Variants in HERC1 observed in about 807,000 individuals in gnomAD.
HERC1 encodes probable E3 ubiquitin-protein ligase HERC1.
In HERC1, 160 loss-of-function variants were observed where a neutral mutation model predicts 554.3. The observed-to-expected ratio is 0.29, with a 90% CI of 0.25 to 0.33. The LOEUF (loss-of-function observed/expected upper bound fraction) is 0.33. Among genes scored for constraint, HERC1 ranks in the 10% least tolerant of loss-of-function variants. The pLI is 1.00. For synonymous variants in HERC1, 2,175 were observed against 2,131.7 expected (o/e 1.02, Z -0.56); for missense variants, 4,919 against 5,918.5 (o/e 0.83, Z 5.54).
At chr15:63,778,828 C>T (rs191423562) in intron 1 of HERC1, among the ~76,000 whole-genome samples, 1 of 151,990 alleles carries the variant, frequency 6.6e-6, no homozygotes, top group African/African-American at 2.4e-5. Context: ...GACGACAAAG[C>T]AAAGTGTAAG....
At chr15:63,662,293 C>A (rs987961282) in intron 44 of HERC1, among the ~76,000 whole-genome samples, 4 of 151,980 alleles carry the variant, frequency 2.6e-5, no homozygotes. Context: ...GACAATCTGT[C>A]CTATCTCAAA....
intron 1 of HERC1, among the ~76,000 whole-genome samples, chr15:63,800,468 G>A (rs975919347): frequency 6.6e-6 from 1 of 152,140 alleles, no homozygotes; most frequent in Non-Finnish European, 1.5e-5. Context: ...CTTTCACCCA[G>A]TTAATGTTTA....
At chr15:63,747,899 T>C in intron 10 of HERC1, 41 bp from the exon 11 acceptor site, 1 of 1,509,298 alleles carries the variant, frequency 6.6e-7, no homozygotes, top group South Asian at 1.3e-5. Flanking sequence ...AGTCTTAAAA[T>C]GAAATTTTTA....
At chr15:63,725,579 T>C in intron 17 of HERC1, 66 bp from the exon 18 acceptor site, 2 of 1,305,806 alleles carry the variant, frequency 1.5e-6, no homozygotes, top group Non-Finnish European at 2.2e-6. Flanking sequence ...ATATTTCTCA[T>C]AGTCTCCTAC....
At position 63,704,098 on chromosome 15, in the gene HERC1, T is replaced by C. The variant is rs1051682718; in HGVS notation, c.4636+2682A>G. Among the ~76,000 whole-genome samples the C allele has an allele frequency of 2.6e-5, 4 of 151,906 alleles. No homozygotes were observed. In the South Asian group the frequency reaches 8.3e-4, roughly 31 times the overall value. ...ATGGCTTAAGGCATCTGGTCTATAC[T>C]GACAAAAAAGGAAAAAAAATACAGT... On this transcript the variant is annotated intron_variant, in intron 25 of 77. Transcript: ENST00000443617.
Position 63,654,204 on chromosome 15 carries a change from T to C in HERC1, c.10205A>G (p.Asn3402Ser). The change falls in exon 51 of 78, where the codon AAC becomes AGC. Residue 3402 changes from asparagine (N) to serine (S), a missense_variant. Transcript: ENST00000443617. ...AGCAAGTGTCTGCAGAGTAGTTTGG[T>C]TGTCACGGTCGTGTGCAGCAAGAGT... ...VRTLAAHDRDNQTTLQTLADM... is the reference protein window; with the variant it reads ...VRTLAAHDRDSQTTLQTLADM... The C allele has an allele frequency of 6.2e-7, 1 of 1,614,050 alleles. No individual in the cohort carries two copies. The highest frequency in any genetic ancestry group is 8.5e-7 in the Non-Finnish European group (1 of 1,179,890).
At chr15:63,737,326 G>A (rs2074551549) in intron 12 of HERC1, among the ~76,000 whole-genome samples, 1 of 144,320 alleles carries the variant, frequency 6.9e-6, no homozygotes. Flanking sequence ...AAACAATGAA[G>A]AAGAAATCAA....
At chr15:63,732,141 T>C (rs950153036) in intron 14 of HERC1, among the ~76,000 whole-genome samples, 2 of 151,904 alleles carry the variant, frequency 1.3e-5, no homozygotes, top group Admixed American at 1.3e-4. Context: ...GCTGGGACTA[T>C]AGATGCCAGC....
rs369327928 is a variant in HERC1, at chr15:63,652,425, C to A, written c.10407G>T (p.Val3469=). ...KKQYSLQQTC[V]FNRLEGDAEE... ...ATGTTAGCACTCACAATCTGTTGAA[C>A]ACACAGGTCTGTTGCAGTGAATATT... The change falls in exon 52 of 78, where the codon GTG becomes GTT. Residue 3469 remains valine (V), a synonymous_variant. Transcript: ENST00000443617. 6.2e-7 allele frequency: 1 copy of A among 1,612,638 alleles called. No individual in the cohort carries two copies. The highest frequency in any genetic ancestry group is 1.1e-5 in the South Asian group (1 of 90,842).
At chr15:63,798,648 G>T (rs2076885148) in intron 1 of HERC1, among the ~76,000 whole-genome samples, 1 of 151,774 alleles carries the variant, frequency 6.6e-6, no homozygotes, top group Admixed American at 6.6e-5. Context: ...CAATTATTTA[G>T]GATTGTCACT....
intron 45 of HERC1, 68 bp from the exon 46 acceptor site, chr15:63,661,093 T>G (rs1349818767): frequency 1.8e-6 from 2 of 1,115,460 alleles, no homozygotes; most frequent in Non-Finnish European, 2.7e-6. Context: ...GCAAATTAAG[T>G]CATTAGAACA....
chr15:63,812,451 T>G (rs2077360056), intron 1 of HERC1, among the ~76,000 whole-genome samples: 1 of 152,208 alleles, frequency 6.6e-6, no homozygotes, highest in South Asian at 2.1e-4. Flanking sequence ...AATACATCTA[T>G]TGCCTTGAGA....
chr15:63,737,508 T>A (rs1376552516), intron 12 of HERC1, among the ~76,000 whole-genome samples: 3 of 66,160 alleles, frequency 4.5e-5, no homozygotes, highest in Non-Finnish European at 6.8e-5. Context: ...ATATATATCT[T>A]TTTTCCAGAT....
Position 63,630,518 on chromosome 15 carries a change from G to A in HERC1, c.12914C>T (p.Ala4305Val), listed in dbSNP as rs1351646628. The change falls in exon 69 of 78, where the codon GCT becomes GTT. Residue 4305 changes from alanine to valine, a missense_variant. Transcript: ENST00000443617. ...ATACACATCTCCATTTGATGCCAAA[G>A]CAAGTGTGTGTTCAGCTCCAACTGC... ...DVAVGAEHTLALASNGDVYAW... is the reference protein window; with the variant it reads ...DVAVGAEHTLVLASNGDVYAW... The A allele has an allele frequency of 6.2e-7, 1 of 1,613,968 alleles. No individual in the cohort carries two copies. The highest frequency in any genetic ancestry group is 1.1e-5 in the South Asian group (1 of 91,080).
chr15:63,713,613 T>G lies in HERC1; in HGVS notation c.4203A>C (p.Arg1401=). Reference sequence around the variant, plus strand: ...ACCCTGCCCCACTGTTCATTCTATCTCGGTCTCGGCTACGAGCTACTTCAC... The same window carrying G: ...ACCCTGCCCCACTGTTCATTCTATCGCGGTCTCGGCTACGAGCTACTTCAC... The part of the protein sequence containing the change: ...SAREVARSRD[R]DRMNSGAGSG... Residue 1401 remains arginine, a synonymous_variant, in exon 23 of 78, where the codon CGA becomes CGC. Coordinates refer to ENST00000443617, the MANE Select transcript of HERC1 (RefSeq NM_003922.4). 1.2e-6 allele frequency: 2 copies of G among 1,613,322 alleles called. No individual in the cohort carries two copies. The highest frequency in any genetic ancestry group is 1.7e-6 in the Non-Finnish European group (2 of 1,179,646).
intron 68 of HERC1, among the ~76,000 whole-genome samples, chr15:63,632,008 T>A (rs1361372269): frequency 3.3e-5 from 5 of 152,214 alleles, no homozygotes; most frequent in African/African-American, 1.2e-4. Context: ...TACATCTTCA[T>A]AATCAATCCT....
rs1164454711 is a variant in HERC1 at position 63,775,371 on chromosome 15, T to C, written c.253A>G (p.Ser85Gly). ...ACCATCTTTGCCAATGCTAGCTGGC[T>C]GCTAAGAAGGGCATCCAAATAGTGG... is the stretch of plus-strand genomic sequence containing the variant. ...QDHYLDALLSSQLALAKMVCS... is the reference protein window; with the variant it reads ...QDHYLDALLSGQLALAKMVCS... The change falls in exon 2 of 78, where the codon AGC (serine) becomes GGC (glycine). Residue 85 changes from serine to glycine, a missense_variant. Transcript: ENST00000443617. This position sits in a 1 kb window ranked among gnomAD's most constrained non-coding sequence, Gnocchi z 4.0. The C allele has an allele frequency of 6.2e-7, 1 of 1,613,950 alleles. No homozygotes were observed. Among genetic ancestry groups the C allele is most frequent in the Admixed American group, 1.7e-5 (1 of 60,016 alleles).
rs1157469484 is a variant in HERC1, at chr15:63,624,345, G to A, written c.13276-18C>T. Reference sequence around the variant, plus strand: ...GTGCTGTTCTGTAACAGAAGGTACGGTTATCAGAAATGGTACAATCTAGGC... The same window carrying A: ...GTGCTGTTCTGTAACAGAAGGTACGATTATCAGAAATGGTACAATCTAGGC... On this transcript the variant is annotated intron_variant, in intron 71 of 77. Transcript: ENST00000443617. 1 of 1,566,728 alleles carries A rather than the reference G, an allele frequency of 6.4e-7. No homozygotes were observed. The highest frequency in any genetic ancestry group is 8.7e-7 in the Non-Finnish European group (1 of 1,153,002).
chr15:63,706,333 T>C (rs1347569421), intron 25 of HERC1, among the ~76,000 whole-genome samples: 4 of 151,882 alleles, frequency 2.6e-5, no homozygotes, highest in Non-Finnish European at 5.9e-5. Flanking sequence ...GGAAAAAAAA[T>C]AGAAACTTTT....
Sources: gnomAD v4.1 joint callset for allele counts (sites outside exome capture counted in the v4.1 genomes callset) on GRCh38, gnomAD v4.1.1 for gene constraint, Gnocchi (gnomAD v3.1) non-coding constraint, MANE v1.5 for transcripts, NCBI Gene and HGNC (gene_info 2026-07-23, HGNC 2026-07-21) for gene names.